BICDL1: variants seen among roughly 807,000 people sequenced by gnomAD.
BICDL1 encodes the protein BICD family-like cargo adapter 1.
BICDL1 carries 20 observed loss-of-function variants against 76.8 expected under a neutral mutation model. The ratio of observed to expected loss-of-function variants is 0.26; its 90% CI spans 0.18 to 0.38. The LOEUF (loss-of-function observed/expected upper bound fraction) is 0.38. Ranked by LOEUF, BICDL1 falls within the 10% of genes least tolerant of loss-of-function variation. The probability of loss-of-function intolerance (pLI) is 1.00; values close to 1 mark genes in which losing one functional copy is unlikely to be tolerated. For missense variants in BICDL1, 700 were observed against 798.6 expected (o/e 0.88, Z 1.49); for synonymous variants, 383 against 337.1 (o/e 1.14, Z -1.49).
intron 8 of BICDL1, among the ~76,000 whole-genome samples, chr12:120,088,363 TTTTA>T (rs1874610881): frequency 6.6e-6 from 1 of 152,180 alleles, no homozygotes; most frequent in African/African-American, 2.4e-5. Context: ...GGGGTTTTGT[TTTTA>T]TTTTTTTGAG....
chr12:120,066,428 C>G (rs1953222255), intron 4 of BICDL1, among the ~76,000 whole-genome samples: 1 of 152,146 alleles, frequency 6.6e-6, no homozygotes, highest in South Asian at 2.1e-4. Context: ...GTGAAAAGTC[C>G]TTATTTCAAA....
chr12:120,029,819 T>C (rs1164837716), intron 2 of BICDL1, among the ~76,000 whole-genome samples: 1 of 152,136 alleles, frequency 6.6e-6, no homozygotes, highest in African/African-American at 2.4e-5. Flanking sequence ...CTGTAATCTT[T>C]GTATTTTTAG....
At chr12:120,031,202 C>A (rs1197808319) in intron 2 of BICDL1, among the ~76,000 whole-genome samples, 2 of 141,858 alleles carry the variant, frequency 1.4e-5, no homozygotes, top group African/African-American at 5.5e-5. Flanking sequence ...TTAACATGTT[C>A]CTTTTTTTTT....
intron 9 of BICDL1, chr12:120,091,875 C>A: frequency 1.0e-6 from 1 of 985,370 alleles, no homozygotes; most frequent in Non-Finnish European, 1.2e-6. Flanking sequence ...AGTGGCTGCT[C>A]GGAACCAAAG....
intron 2 of BICDL1, among the ~76,000 whole-genome samples, chr12:120,000,862 GTGTTTA>G (rs1317708033): frequency 6.6e-6 from 1 of 152,186 alleles, no homozygotes; most frequent in Non-Finnish European, 1.5e-5. Context: ...ATGAGATAAT[GTGTTTA>G]TGTTAAACAG....
intron 2 of BICDL1, among the ~76,000 whole-genome samples, chr12:120,032,651 ACAT>A (rs1295900646): frequency 1.3e-5 from 2 of 152,284 alleles, no homozygotes; most frequent in East Asian, 3.9e-4. Flanking sequence ...TAATTTAAAA[ACAT>A]CATATTTCCA....
intron 7 of BICDL1, 142 bp from the exon 8 acceptor site, chr12:120,080,745 C>A: frequency 1.3e-6 from 1 of 752,272 alleles, no homozygotes. Context: ...TCTCTTGAAG[C>A]AGGATGGCAG....
chr12:120,078,587 C>T (rs75979972), intron 7 of BICDL1, among the ~76,000 whole-genome samples: 3,051 of 152,228 alleles, frequency 0.02, 114 homozygotes, highest in African/African-American at 0.07. Flanking sequence ...TCATTTATCT[C>T]GTAATCCTCA....
Position 120,080,948 on chromosome 12 carries a change from C to T in BICDL1, c.1514C>T (p.Thr505Ile). Reference sequence around the variant, plus strand: ...GAGGAGAGAGACCGACTCAGAGTCACTTCTGAGGACAAGGAGCCAAAGGAG... The same window carrying T: ...GAGGAGAGAGACCGACTCAGAGTCATTTCTGAGGACAAGGAGCCAAAGGAG... ...LKEERDRLRV[T>I]SEDKEPKEQL... is the part of the protein sequence containing the mutation. The change falls in exon 8 of 10, where the codon ACT (threonine) becomes ATT (isoleucine). Residue 505 changes from threonine to isoleucine, a missense_variant. By Grantham distance (89) the Thr-to-Ile change is moderately conservative. Around this residue, in one of 3 missense-constraint regions of BICDL1, gnomAD observed 455 missense variants for 548.7 expected, o/e 0.83. Coordinates refer to ENST00000548673, the MANE Select transcript of BICDL1 (RefSeq NM_001367886.1). 6.2e-7 allele frequency: 1 copy of T among 1,613,854 alleles called. No homozygotes were observed. The highest frequency in any genetic ancestry group is 8.5e-7 in the Non-Finnish European group (1 of 1,179,908).
At chr12:120,089,271 CGTGTGTGTGTGTGTGTGTATGT>C (rs1332178136) in intron 8 of BICDL1, among the ~76,000 whole-genome samples, 2 of 146,718 alleles carry the variant, frequency 1.4e-5, no homozygotes, top group African/African-American at 5.2e-5. Flanking sequence ...CCTTTTTCAA[CGTGTGTGTGTGTGTGTGTATGT>C]GTGTGTGTGT....
At chr12:120,091,459 G>A (rs1874959022) in intron 9 of BICDL1, 4 of 999,936 alleles carry the variant, frequency 4.0e-6, no homozygotes, top group Non-Finnish European at 4.8e-6. Flanking sequence ...AGATTTTACT[G>A]AGCACGTCGT....
In BICDL1 at chr12:120,071,488, T is replaced by C; in HGVS notation, c.910-134T>C. 1 of 1,290,712 alleles carries C rather than the reference T, an allele frequency of 7.7e-7. No homozygotes were observed. The highest frequency in any genetic ancestry group is 1.0e-6 in the Non-Finnish European group (1 of 974,766). The allele number at this position is 1,290,712 out of a possible 1,614,324, so 80.0% of individuals were successfully genotyped here. A position where few individuals can be genotyped will look rare whatever the true frequency, so the allele number is the denominator to read the frequency against. On this transcript the variant is annotated intron_variant, in intron 4 of 9. Coordinates refer to ENST00000548673, the MANE Select transcript of BICDL1 (RefSeq NM_001367886.1). The surrounding 1 kb of genome is among the most constrained non-coding windows in gnomAD (Gnocchi z 4.8). Reference sequence around the variant, plus strand: ...TTGCTGAGTGCATCTCCTGATGTAGTTTAACATGTTCTTCTCTCCTATTTA... The same window carrying C: ...TTGCTGAGTGCATCTCCTGATGTAGCTTAACATGTTCTTCTCTCCTATTTA...
intron 2 of BICDL1, among the ~76,000 whole-genome samples, chr12:120,035,854 C>A (rs990625207): frequency 2.6e-5 from 4 of 152,196 alleles, no homozygotes; most frequent in African/African-American, 9.7e-5. Flanking sequence ...TTATAATAAT[C>A]ATTCCTTTCC....
intron 2 of BICDL1, among the ~76,000 whole-genome samples, chr12:120,045,917 T>TATTATA (rs1555288136): frequency 1.5e-5 from 2 of 137,634 alleles, no homozygotes; most frequent in African/African-American, 5.5e-5. Context: ...CTTAAAGTAT[T>TATTATA]ATAATAATAA....
intron 2 of BICDL1, among the ~76,000 whole-genome samples, chr12:120,009,318 A>G (rs1951910058): frequency 6.6e-6 from 1 of 152,148 alleles, no homozygotes; most frequent in African/African-American, 2.4e-5. Context: ...CGAGAGAGCC[A>G]TGCCTGATTC....
chr12:119,997,313 A>G (rs939757464), intron 1 of BICDL1, among the ~76,000 whole-genome samples: 2 of 152,172 alleles, frequency 1.3e-5, no homozygotes, highest in Non-Finnish European at 2.9e-5. Flanking sequence ...ACATTAAACC[A>G]TATGTACTTT....
At chr12:120,024,343 T>A (rs542577674) in intron 2 of BICDL1, among the ~76,000 whole-genome samples, 111 of 152,166 alleles carry the variant, frequency 7.3e-4, no homozygotes, top group Non-Finnish European at 1.3e-3. Flanking sequence ...AATGACAATG[T>A]CTGAGATGAA....
At chr12:119,997,121 T>C (rs1046601713) in intron 1 of BICDL1, among the ~76,000 whole-genome samples, 1 of 152,100 alleles carries the variant, frequency 6.6e-6, no homozygotes, top group African/African-American at 2.4e-5. Flanking sequence ...GCTAATTTTA[T>C]ATTTTTAGTA....
At chr12:120,007,981 G>C (rs940043269) in intron 2 of BICDL1, among the ~76,000 whole-genome samples, 2 of 152,018 alleles carry the variant, frequency 1.3e-5, no homozygotes, top group Non-Finnish European at 2.9e-5. Flanking sequence ...AGTCTGCTTC[G>C]TTTACAGAGG....
Sources: allele counts gnomAD v4.1 joint callset (sites outside exome capture counted in the v4.1 genomes callset), GRCh38; gene constraint gnomAD v4.1.1; regional missense constraint gnomAD v4.1.1; non-coding constraint Gnocchi (gnomAD v3.1); transcripts MANE v1.5; gene names NCBI Gene and HGNC (gene_info 2026-07-23, HGNC 2026-07-21).